The following RELN variants were observed in gnomAD, a reference collection of about 807,000 sequenced individuals.
RELN encodes reelin.
RELN carries 108 observed loss-of-function variants against 427.6 expected under a neutral mutation model. That is an observed-to-expected ratio of 0.25 (90% CI 0.22 to 0.30). RELN has a LOEUF of 0.30. Among genes scored for constraint, RELN ranks in the 10% least tolerant of loss-of-function variants. RELN has a pLI of 1.00. For missense variants in RELN, 3,715 were observed against 4,302.8 expected (o/e 0.86, Z 3.82); for synonymous variants, 1,524 against 1,513.4 (o/e 1.01, Z -0.16).
chr7:103,535,864 T>A (rs1830038588), intron 45 of RELN, among the ~76,000 whole-genome samples: 1 of 152,010 alleles, frequency 6.6e-6, no homozygotes, highest in Admixed American at 6.6e-5. Context: ...AATTTAATAT[T>A]ATAGTGATAG....
chr7:103,647,674 G>A (rs921498497), intron 16 of RELN, among the ~76,000 whole-genome samples: 4 of 151,760 alleles, frequency 2.6e-5, no homozygotes, highest in Non-Finnish European at 4.4e-5. Flanking sequence ...GAATACTAAT[G>A]TCATTTTTCA....
At chr7:103,577,418 C>T (rs115855504) in intron 28 of RELN, among the ~76,000 whole-genome samples, 61 of 152,198 alleles carry the variant, frequency 4.0e-4, no homozygotes, top group African/African-American at 1.3e-3. Flanking sequence ...TTAACGTAAG[C>T]CCCAAGCCCC....
At chr7:103,971,328 T>A (rs1410412206) in intron 1 of RELN, among the ~76,000 whole-genome samples, 1 of 151,726 alleles carries the variant, frequency 6.6e-6, no homozygotes, top group Non-Finnish European at 1.5e-5. Flanking sequence ...AAACTGGGGG[T>A]TGGGGGGAAT....
chr7:103,507,748 G>T (rs1250005327), intron 51 of RELN, among the ~76,000 whole-genome samples: 1 of 152,046 alleles, frequency 6.6e-6, no homozygotes, highest in African/African-American at 2.4e-5. Flanking sequence ...TCCAGAAGCT[G>T]GTTTTTTGAA....
intron 20 of RELN, among the ~76,000 whole-genome samples, chr7:103,623,443 A>AT (rs1832262693): frequency 6.6e-6 from 1 of 152,198 alleles, no homozygotes. Context: ...CTTGGCTGTT[A>AT]TTCTATAGGT....
intron 1 of RELN, among the ~76,000 whole-genome samples, chr7:103,982,764 G>C (rs1488330575): frequency 1.3e-5 from 2 of 152,200 alleles, no homozygotes; most frequent in East Asian, 1.9e-4. Flanking sequence ...GTGGGCACCA[G>C]TGGACATCAA....
chr7:103,684,708 C>T (rs1045727117), intron 10 of RELN, among the ~76,000 whole-genome samples: 1 of 152,072 alleles, frequency 6.6e-6, no homozygotes, highest in Admixed American at 6.6e-5. Context: ...AGAATGGAAC[C>T]AATAATATCT....
At chr7:103,809,069 G>A (rs774257158) in intron 3 of RELN, among the ~76,000 whole-genome samples, 5 of 152,274 alleles carry the variant, frequency 3.3e-5, no homozygotes, top group African/African-American at 1.2e-4. Context: ...CCTAGAAAGC[G>A]TTAAGAATGG....
chr7:103,478,584 AT>A (rs1828120263), intron 63 of RELN, 190 bp from the exon 64 acceptor site: 1 of 601,700 alleles, frequency 1.7e-6, no homozygotes, highest in Admixed American at 2.7e-5. Context: ...AGATCTACAT[AT>A]ACTTTTCTAT....
intron 13 of RELN, among the ~76,000 whole-genome samples, chr7:103,653,263 C>T (rs1360396032): frequency 6.6e-6 from 1 of 152,058 alleles, no homozygotes; most frequent in Non-Finnish European, 1.5e-5. Context: ...ATGACCACGG[C>T]AGGTATAGTT....
intron 12 of RELN, among the ~76,000 whole-genome samples, chr7:103,657,373 T>C (rs1324440418): frequency 2.0e-5 from 3 of 152,008 alleles, no homozygotes; most frequent in African/African-American, 7.2e-5. Flanking sequence ...TTGAGGATTA[T>C]ATATAAATAC....
chr7:103,514,829 A>G (rs1829520045), intron 50 of RELN, among the ~76,000 whole-genome samples: 1 of 152,120 alleles, frequency 6.6e-6, no homozygotes. Context: ...TCAGATACTA[A>G]AACAAATGAC....
chr7:103,938,142 A>G (rs1316646184), intron 1 of RELN, among the ~76,000 whole-genome samples: 1 of 152,050 alleles, frequency 6.6e-6, no homozygotes, highest in Admixed American at 6.5e-5. Flanking sequence ...CCAACATGGT[A>G]AAACCCTGTC....
rs368098458 is a variant in RELN, at chr7:103,824,627, A to AGTGTGTGTGT, written c.473+8900_473+8909dup. On this transcript the variant is annotated intron_variant, in intron 3 of 64. Transcript: ENST00000428762. This position sits in a 1 kb window ranked among gnomAD's most constrained non-coding sequence, Gnocchi z 4.4. ...GTGTTTTCACTTTCTTTCAAAACAG[A>AGTGTGTGTGT]GTGTGTGTGTGTGTGTGTGTGTGTG... Among the ~76,000 whole-genome samples the AGTGTGTGTGT allele has an allele frequency of 0.04, 5,246 of 130,754 alleles. 177 individuals are homozygous for AGTGTGTGTGT. Among genetic ancestry groups the AGTGTGTGTGT allele is most frequent in the South Asian group, 0.068 (249 of 3,652 alleles). The allele number at this position is 130,754 out of a possible 152,430, so 85.8% of individuals were successfully genotyped here.
intron 6 of RELN, among the ~76,000 whole-genome samples, chr7:103,729,498 G>A (rs1252333734): frequency 6.6e-6 from 1 of 152,128 alleles, no homozygotes; most frequent in Non-Finnish European, 1.5e-5. Context: ...GATCAACAGT[G>A]CCAAGTATTT....
intron 3 of RELN, among the ~76,000 whole-genome samples, chr7:103,810,410 C>T (rs1361715923): frequency 3.9e-5 from 6 of 152,156 alleles, no homozygotes; most frequent in African/African-American, 1.2e-4. Context: ...ACAATCATCA[C>T]GACCTAAAGT....
At chr7:103,819,490 G>A (rs1792964037) in intron 3 of RELN, among the ~76,000 whole-genome samples, 2 of 152,016 alleles carry the variant, frequency 1.3e-5, no homozygotes, top group African/African-American at 4.8e-5. Flanking sequence ...ATAAAAGCTC[G>A]ATTGAGAGTT....
At chr7:103,741,859 C>A (rs184507095) in intron 6 of RELN, among the ~76,000 whole-genome samples, 1 of 152,158 alleles carries the variant, frequency 6.6e-6, no homozygotes, top group Non-Finnish European at 1.5e-5. Flanking sequence ...CAGCTCCCAG[C>A]GTGAGCGACG....
At chr7:103,982,592 A>G (rs1797014629) in intron 1 of RELN, among the ~76,000 whole-genome samples, 1 of 152,158 alleles carries the variant, frequency 6.6e-6, no homozygotes. Context: ...GGACCATGGC[A>G]TGGAGTCAAA....
Sources: gnomAD v4.1 joint callset for allele counts (sites outside exome capture counted in the v4.1 genomes callset) on GRCh38, gnomAD v4.1.1 for gene constraint, Gnocchi (gnomAD v3.1) non-coding constraint, MANE v1.5 for transcripts, NCBI Gene and HGNC (gene_info 2026-07-23, HGNC 2026-07-21) for gene names.